Variants in LEPR observed in about 807,000 individuals in gnomAD.
LEPR encodes OB receptor.
Under a neutral mutation model 114.7 loss-of-function variants are expected in LEPR, and 56 were observed. The observed-to-expected ratio is 0.49, with a 90% confidence interval of 0.39 to 0.61. The LOEUF is 0.61. Among genes scored for constraint, LEPR ranks in the 20% least tolerant of loss-of-function variants. The pLI is 0.00. For missense variants in LEPR, 1,202 were observed against 1,352.9 expected, an observed-to-expected ratio of 0.89 and a Z score of 1.75; for synonymous variants, 443 against 461.4, an observed-to-expected ratio of 0.96 and a Z score of 0.51.
At chr1:65,530,663 T>C (rs904822401) in intron 2 of LEPR, among the ~76,000 whole-genome samples, 1 of 152,196 alleles carries the variant, frequency 6.6e-6, no homozygotes, top group East Asian at 1.9e-4. Context: ...GTCATCATCT[T>C]GATTTTGGTG....
intron 2 of LEPR, among the ~76,000 whole-genome samples, chr1:65,480,436 A>G (rs1647210539): frequency 6.6e-6 from 1 of 152,178 alleles, no homozygotes; most frequent in South Asian, 2.1e-4. Context: ...GAGTGAAGCT[A>G]AGATATAATG....
chr1:65,449,662 T>TC (rs1471205028), intron 2 of LEPR, among the ~76,000 whole-genome samples: 1 of 151,178 alleles, frequency 6.6e-6, no homozygotes, highest in Non-Finnish European at 1.5e-5. Flanking sequence ...GGTGGCAATC[T>TC]CCATGTCCAG....
At chr1:65,594,205 T>C (rs1284230133) in intron 6 of LEPR, among the ~76,000 whole-genome samples, 1 of 152,036 alleles carries the variant, frequency 6.6e-6, no homozygotes, top group Non-Finnish European at 1.5e-5. Flanking sequence ...GAGATATCCA[T>C]GCAAAAATCC....
intron 2 of LEPR, among the ~76,000 whole-genome samples, chr1:65,496,801 T>G (rs967156493): frequency 5.3e-5 from 8 of 152,092 alleles, no homozygotes; most frequent in African/African-American, 1.9e-4. Flanking sequence ...CAGATAACTC[T>G]AGAGCAGTGT....
intron 2 of LEPR, among the ~76,000 whole-genome samples, chr1:65,460,587 G>C (rs1646932369): frequency 6.6e-6 from 1 of 152,128 alleles, no homozygotes; most frequent in Non-Finnish European, 1.5e-5. Context: ...TCACCAAAAA[G>C]ATGACCTTCA....
rs1484591463 is a variant in LEPR, at chr1:65,639,934, G to A, written c.*2919G>A. ...GTGTCCATTTAGAGATGAGCTACAAGTTGACAAGAAAAATAGGAGCAGTTT... is the reference window on the plus strand; with the variant it reads ...GTGTCCATTTAGAGATGAGCTACAAATTGACAAGAAAAATAGGAGCAGTTT... On this transcript the variant is annotated 3_prime_UTR_variant, in exon 20 of 20. Transcript: ENST00000349533. The A allele has an allele frequency of 1.3e-5, 2 of 151,874 alleles. No individual in the cohort carries two copies. Among genetic ancestry groups the A allele is most frequent in the East Asian group, 3.9e-4 (2 of 5,182 alleles). The allele number at this position is 151,874 out of a possible 1,614,324, so 9.4% of individuals were successfully genotyped here. A position where few individuals can be genotyped will look rare whatever the true frequency, so the allele number is the denominator to read the frequency against.
intron 2 of LEPR, chr1:65,430,244 T>C (rs9436301): frequency 0.25 from 104,135 of 413,756 alleles, 14,292 homozygotes; most frequent in African/African-American, 0.39. Context: ...TTTATTTCTC[T>C]TACAACTTTT....
chr1:65,636,897 A>G lies in LEPR; in HGVS notation c.3380A>G (p.Asn1127Ser), dbSNP rs1386601192. 8.7e-6 allele frequency: 14 copies of G among 1,606,022 alleles called. No individual in the cohort carries two copies. Among genetic ancestry groups the G allele is most frequent in the Non-Finnish European group, 1.2e-5 (14 of 1,176,678 alleles). Residue 1127 changes from asparagine to serine, a missense_variant, in exon 20 of 20, where the codon AAT becomes AGT. Physicochemically the swap from Asn to Ser is conservative, Grantham distance 46. Coordinates refer to ENST00000349533, the MANE Select transcript of LEPR (RefSeq NM_002303.6). ...QDSCSHFVEN[N>S]INLGTSSKKT... Reference sequence around the variant, plus strand: ...AGTTGCTCACACTTTGTAGAAAATAATATCAACTTAGGAACTTCTAGTAAG... The same window carrying G: ...AGTTGCTCACACTTTGTAGAAAATAGTATCAACTTAGGAACTTCTAGTAAG...
At chr1:65,548,755 T>C (rs959504644) in intron 2 of LEPR, among the ~76,000 whole-genome samples, 10 of 151,810 alleles carry the variant, frequency 6.6e-5, no homozygotes, top group African/African-American at 2.4e-4. Flanking sequence ...GTCTTGACTC[T>C]TTATCCAATT....
chr1:65,503,782 A>G (rs1648582098), intron 2 of LEPR, among the ~76,000 whole-genome samples: 2 of 141,828 alleles, frequency 1.4e-5, no homozygotes, highest in Non-Finnish European at 3.1e-5. Flanking sequence ...ATACGTATAT[A>G]TACTGAAGTT....
In LEPR at chr1:65,592,719, G is replaced by A; in HGVS notation, c.557G>A (p.Cys186Tyr). 1 of 1,613,296 alleles carries A rather than the reference G, an allele frequency of 6.2e-7. No individual in the cohort carries two copies. Among genetic ancestry groups the A allele is most frequent in the South Asian group, 1.1e-5 (1 of 91,064 alleles). Reference sequence around the variant, plus strand: ...AAAGGCAGTTTTCAGATGGTTCACTGCAATTGCAGTGTTCATGAATGTTGT... The same window carrying A: ...AAAGGCAGTTTTCAGATGGTTCACTACAATTGCAGTGTTCATGAATGTTGT... ...PQKGSFQMVH[C>Y]NCSVHECCEC... The change falls in exon 6 of 20, where the codon TGC becomes TAC. Residue 186 changes from cysteine (C) to tyrosine (Y), a missense_variant. Coordinates refer to ENST00000349533, the MANE Select transcript of LEPR (RefSeq NM_002303.6).
In LEPR at chr1:65,598,095, C is replaced by CTTTTTTTTTTTTTTTTTTT. The variant is rs1226626771; in HGVS notation, c.850-563_850-545dup. 2.7e-3 allele frequency among the ~76,000 whole-genome samples: 276 copies of CTTTTTTTTTTTTTTTTTTT among 101,444 alleles called. 47 individuals carry two copies. Among genetic ancestry groups the CTTTTTTTTTTTTTTTTTTT allele is most frequent in the African/African-American group, 0.011 (249 of 22,616 alleles). The allele number at this position is 101,444 out of a possible 152,430, so 66.6% of individuals were successfully genotyped here. ...CTAGGCTCAAGTGATCCTCCTGCCT[C>CTTTTTTTTTTTTTTTTTTT]TTTTTTTTTTTTTTTTTTTTAAGAG... On this transcript the variant is annotated intron_variant, in intron 7 of 19. Transcript: ENST00000349533.
intron 2 of LEPR, among the ~76,000 whole-genome samples, chr1:65,552,152 C>T (rs138517453): frequency 0.034 from 5,122 of 152,062 alleles, 151 homozygotes; most frequent in South Asian, 0.085. Context: ...AGAATAAGCG[C>T]GATGTGGTGC....
intron 2 of LEPR, among the ~76,000 whole-genome samples, chr1:65,443,193 T>C (rs1203713448): frequency 6.6e-6 from 1 of 152,118 alleles, no homozygotes; most frequent in Non-Finnish European, 1.5e-5. Context: ...ATTACACTTA[T>C]AAAACTTACT....
Position 65,434,489 on chromosome 1 carries a change from C to T in LEPR, c.-21+9111C>T, listed in dbSNP as rs1472874222. 3 of 985,054 alleles carry T rather than the reference C, an allele frequency of 3.0e-6. No homozygotes were observed. In the African/African-American group the frequency reaches 5.2e-5, roughly 17 times the overall value. The allele number at this position is 985,054 out of a possible 1,614,324, so 61.0% of individuals were successfully genotyped here. ...AAGCAGACTTTGAGACACTTTTCCA[C>T]AGAAACAATACTATGAATTGGTGAT... On this transcript the variant is annotated intron_variant, in intron 2 of 19. Coordinates refer to ENST00000349533, the MANE Select transcript of LEPR (RefSeq NM_002303.6).
chr1:65,453,625 C>T (rs1214426607), intron 2 of LEPR, among the ~76,000 whole-genome samples: 2 of 152,168 alleles, frequency 1.3e-5, no homozygotes, highest in African/African-American at 4.8e-5. Context: ...TCTAGTTTGA[C>T]TGCACTGTGG....
At chr1:65,566,011 TA>T (rs1653726613) in intron 3 of LEPR, among the ~76,000 whole-genome samples, 1 of 152,160 alleles carries the variant, frequency 6.6e-6, no homozygotes, top group Non-Finnish European at 1.5e-5. Flanking sequence ...TTTTTACCTT[TA>T]TCAGTATTTA....
In LEPR at chr1:65,479,697, C is replaced by T. The variant is rs74913519; in HGVS notation, c.-21+54319C>T. On this transcript the variant is annotated intron_variant, in intron 2 of 19. Coordinates refer to ENST00000349533, the MANE Select transcript of LEPR (RefSeq NM_002303.6). ...CATATTTCCTGATCTTCTGTATATC[C>T]GTCATCAAACTCAACTGTCATCTTC... 4.4e-3 allele frequency among the ~76,000 whole-genome samples: 674 copies of T among 152,200 alleles called. 6 individuals carry two copies. Among genetic ancestry groups the T allele is most frequent in the South Asian group, 0.029 (140 of 4,814 alleles).
chr1:65,428,580 T>G (rs1309593329), intron 2 of LEPR, among the ~76,000 whole-genome samples: 1 of 152,210 alleles, frequency 6.6e-6, no homozygotes, highest in Non-Finnish European at 1.5e-5. Flanking sequence ...GCCTTTTGGT[T>G]GCCTAGATCT....
Sources: allele counts gnomAD v4.1 joint callset (sites outside exome capture counted in the v4.1 genomes callset), GRCh38; gene constraint gnomAD v4.1.1; transcripts MANE v1.5; gene names NCBI Gene and HGNC (gene_info 2026-07-23, HGNC 2026-07-21).